The following SYT14 variants were observed in gnomAD, a reference collection of about 807,000 sequenced individuals.
SYT14 encodes synaptotagmin-14.
In SYT14, 32 loss-of-function variants were observed where a neutral mutation model predicts 74.2. The observed-to-expected ratio is 0.43, with a 90% CI of 0.33 to 0.58. SYT14 has a LOEUF of 0.58. Among genes scored for constraint, SYT14 ranks in the 20% least tolerant of loss-of-function variants. The pLI, the probability that SYT14 is intolerant of heterozygous loss-of-function variation, is 0.05. For missense variants in SYT14, 791 were observed against 981.8 expected (o/e 0.81, Z 2.60); for synonymous variants, 298 against 337.7 (o/e 0.88, Z 1.29).
intron 2 of SYT14, among the ~76,000 whole-genome samples, chr1:210,010,360 G>A (rs1030441568): frequency 1.3e-5 from 2 of 152,078 alleles, no homozygotes; most frequent in African/African-American, 4.8e-5. Context: ...GCTATGTGGT[G>A]CTGTCCTAGG....
intron 2 of SYT14, among the ~76,000 whole-genome samples, chr1:210,001,623 G>C (rs1032716256): frequency 1.3e-5 from 2 of 150,178 alleles, no homozygotes; most frequent in African/African-American, 4.8e-5. Context: ...AAATTATTTG[G>C]TATTTTAGAA....
At chr1:210,000,870 C>T (rs1486780142) in intron 2 of SYT14, among the ~76,000 whole-genome samples, 1 of 152,076 alleles carries the variant, frequency 6.6e-6, no homozygotes, top group African/African-American at 2.4e-5. Flanking sequence ...ACCTCGGCCT[C>T]CCAAAGTGCT....
At chr1:210,076,798 C>A (rs1477736936) in intron 5 of SYT14, among the ~76,000 whole-genome samples, 1 of 152,124 alleles carries the variant, frequency 6.6e-6, no homozygotes, top group African/African-American at 2.4e-5. Context: ...CACTCACTAT[C>A]ACGAGAACAG....
intron 7 of SYT14, among the ~76,000 whole-genome samples, chr1:210,131,844 C>T (rs2082680585): frequency 6.6e-6 from 1 of 152,112 alleles, no homozygotes; most frequent in African/African-American, 2.4e-5. Flanking sequence ...GGTTCTAACT[C>T]CCTGTGTTTA....
intron 5 of SYT14, among the ~76,000 whole-genome samples, chr1:210,044,072 G>A (rs777655240): frequency 1.2e-4 from 18 of 152,154 alleles, no homozygotes; most frequent in Admixed American, 3.3e-4. Context: ...GACCCCAGAA[G>A]TTATGTCTGT....
chr1:210,134,289 A>G (rs2082736642), intron 7 of SYT14, among the ~76,000 whole-genome samples: 1 of 151,896 alleles, frequency 6.6e-6, no homozygotes, highest in Admixed American at 6.6e-5. Flanking sequence ...TTTTTTTTGT[A>G]GAGACAGGAG....
chr1:209,938,598 T>G (rs2078675682), intron 1 of SYT14, among the ~76,000 whole-genome samples: 1 of 151,460 alleles, frequency 6.6e-6, no homozygotes, highest in Non-Finnish European at 1.5e-5. Flanking sequence ...GGAGTGGAGG[T>G]CGGGGTGAGG....
intron 6 of SYT14, among the ~76,000 whole-genome samples, chr1:210,094,888 T>G (rs1344779204): frequency 6.6e-6 from 1 of 152,180 alleles, no homozygotes; most frequent in Non-Finnish European, 1.5e-5. Flanking sequence ...TACCTGTTTA[T>G]TTCATCTTGA....
intron 7 of SYT14, among the ~76,000 whole-genome samples, chr1:210,140,863 AT>A (rs1316410398): frequency 2.6e-5 from 4 of 152,070 alleles, no homozygotes; most frequent in Admixed American, 2.6e-4. Flanking sequence ...CTATTTGTCT[AT>A]CCTTCTGCCA....
intron 7 of SYT14, among the ~76,000 whole-genome samples, chr1:210,110,228 G>A (rs150447322): frequency 0.011 from 1,735 of 152,138 alleles, 21 homozygotes; most frequent in Middle Eastern, 0.034. Context: ...TAACAAACCT[G>A]CAGATTCTGC....
At chr1:210,145,737 A>C (rs561060134) in intron 7 of SYT14, among the ~76,000 whole-genome samples, 1 of 152,296 alleles carries the variant, frequency 6.6e-6, no homozygotes, top group South Asian at 2.1e-4. Context: ...ACCAAACGTG[A>C]TACCCACTTT....
At chr1:209,959,641 C>T (rs953671692) in intron 2 of SYT14, among the ~76,000 whole-genome samples, 2 of 152,062 alleles carry the variant, frequency 1.3e-5, no homozygotes, top group Admixed American at 6.6e-5. Context: ...TTGTTTCACT[C>T]GCAAACAGTG....
chr1:210,159,543 G>A, intron 9 of SYT14, 66 bp downstream of exon 8: 1 of 1,416,162 alleles, frequency 7.1e-7, no homozygotes, highest in Non-Finnish European at 9.8e-7. Flanking sequence ...CCTAAAACTT[G>A]CCAGCAGTGA....
chr1:209,947,104 A>G (rs1360980893), intron 1 of SYT14, among the ~76,000 whole-genome samples: 1 of 152,224 alleles, frequency 6.6e-6, no homozygotes, highest in African/African-American at 2.4e-5. Context: ...GTTACTGCTC[A>G]TTGACAAGGC....
At position 210,064,038 on chromosome 1, in the gene SYT14, T is replaced by TTAG. The variant is rs148779089; in HGVS notation, c.1313-30282_1313-30280dup. Among the ~76,000 whole-genome samples the TTAG allele has an allele frequency of 2.9e-3, 447 of 152,148 alleles. 2 individuals are homozygous for TTAG. Among genetic ancestry groups the TTAG allele is most frequent in the African/African-American group, 9.9e-3 (411 of 41,562 alleles). On this transcript the variant is annotated intron_variant, in intron 5 of 9. Coordinates refer to ENST00000637265, the Ensembl canonical transcript of SYT14. ...TTCCAAATCATTTGAAAGCTGACTT[T>TTAG]TAGTTATCCCACACTAGTGAATTTT...
At chr1:209,952,381 G>A (rs946846960) in intron 1 of SYT14, among the ~76,000 whole-genome samples, 1 of 152,088 alleles carries the variant, frequency 6.6e-6, no homozygotes, top group African/African-American at 2.4e-5. Flanking sequence ...ACAAAAGTGG[G>A]TCCTCTCTTA....
chr1:210,085,068 A>G (rs564084207), intron 5 of SYT14, among the ~76,000 whole-genome samples: 4 of 152,228 alleles, frequency 2.6e-5, no homozygotes, highest in Non-Finnish European at 5.9e-5. Context: ...CTAAGAATAT[A>G]CATTCTAATT....
chr1:209,976,133 T>G (rs890225787), intron 2 of SYT14, among the ~76,000 whole-genome samples: 14 of 152,086 alleles, frequency 9.2e-5, no homozygotes, highest in African/African-American at 2.9e-4. Context: ...TATCAATTTT[T>G]TTGATCTTTT....
At chr1:210,078,750 A>ATTT (rs60254735) in intron 5 of SYT14, among the ~76,000 whole-genome samples, 1 of 144,394 alleles carries the variant, frequency 6.9e-6, no homozygotes, top group African/African-American at 2.5e-5. Flanking sequence ...ATACGTATGA[A>ATTT]TTTTTTTTTT....
Sources: allele counts gnomAD v4.1 joint callset (sites outside exome capture counted in the v4.1 genomes callset), GRCh38; gene constraint gnomAD v4.1.1; transcripts MANE v1.5; gene names NCBI Gene and HGNC (gene_info 2026-07-23, HGNC 2026-07-21).